Variants in SLC9C1 observed in about 807,000 individuals in gnomAD.
SLC9C1 encodes solute carrier family 9 member C1.
A neutral mutation model predicts 140.9 loss-of-function variants in SLC9C1; 97 were observed. That is an observed-to-expected ratio of 0.69 (90% CI 0.58 to 0.82). The LOEUF is 0.82. Ranked by LOEUF, SLC9C1 falls within the 40% of genes least tolerant of loss-of-function variation. The pLI is 0.00. For missense variants in SLC9C1, 1,340 were observed against 1,389.3 expected (o/e 0.96, Z 0.56); for synonymous variants, 440 against 442.6 (o/e 0.99, Z 0.07).
rs1035191867 is a variant in SLC9C1 at position 112,153,173 on chromosome 3, C to T, written c.3418-1210G>A. 6.6e-5 allele frequency among the ~76,000 whole-genome samples: 10 copies of T among 152,270 alleles called. No homozygotes were observed. In the East Asian group the frequency reaches 1.9e-3, roughly 29 times the overall value. The stretch of plus-strand genomic sequence containing the variant: ...CAATTTGATGATTTTCTTTATATGT[C>T]TTAATAGCTAACATTCCTGTCATTT... On this transcript the variant is annotated intron_variant, in intron 27 of 28. Coordinates refer to ENST00000305815, the MANE Select transcript of SLC9C1 (RefSeq NM_183061.3).
intron 26 of SLC9C1, among the ~76,000 whole-genome samples, chr3:112,164,174 G>C (rs1045813675): frequency 1.3e-5 from 2 of 151,700 alleles, no homozygotes; most frequent in Non-Finnish European, 2.9e-5. Context: ...GTCTCTGCAC[G>C]TGAATTGGGT....
Position 112,179,535 on chromosome 3 carries a change from A to T in SLC9C1, c.2915T>A (p.Val972Glu). ...MKYSATCKTV[V>E]ETCFIPKTHL... ...CACAGGCGAAGTTTTTCTGACCTCC[A>T]CTACAGTTTTGCAGGTGGCAGAATA... is the stretch of plus-strand genomic sequence containing the variant. The change falls in exon 23 of 29, where the codon GTG (valine) becomes GAG (glutamate). Residue 972 changes from valine (V) to glutamate (E), a missense_variant. Transcript: ENST00000305815. The T allele has an allele frequency of 1.2e-6, 2 of 1,601,780 alleles. No homozygotes were observed. The highest frequency in any genetic ancestry group is 1.7e-6 in the Non-Finnish European group (2 of 1,176,364).
chr3:112,272,379 G>A (rs1183611039), intron 6 of SLC9C1, among the ~76,000 whole-genome samples: 1 of 152,176 alleles, frequency 6.6e-6, no homozygotes, highest in Non-Finnish European at 1.5e-5. Context: ...ACTCAAATTG[G>A]AAAGAGTAAG....
rs180773969 is a variant in SLC9C1 at position 112,166,695 on chromosome 3, T to C, written c.3364+526A>G. ...TCTATTATTATTACTTATTCAATAA[T>C]TTTTAAATTTTTAATATTTATCTCA... On this transcript the variant is annotated intron_variant, in intron 26 of 28. Transcript: ENST00000305815. 8.2e-3 allele frequency among the ~76,000 whole-genome samples: 1,243 copies of C among 152,212 alleles called. 11 individuals carry two copies. The highest frequency in any genetic ancestry group is 9.4e-3 in the Non-Finnish European group (640 of 67,996).
chr3:112,276,882 C>G (rs1373597559), intron 5 of SLC9C1, among the ~76,000 whole-genome samples: 2 of 152,022 alleles, frequency 1.3e-5, no homozygotes, highest in East Asian at 3.8e-4. Flanking sequence ...AGGCTCAGCT[C>G]TCATTTATTC....
intron 26 of SLC9C1, among the ~76,000 whole-genome samples, chr3:112,165,408 C>T (rs2077105520): frequency 6.6e-6 from 1 of 152,096 alleles, no homozygotes; most frequent in South Asian, 2.1e-4. Flanking sequence ...GTTTTATCTA[C>T]CTTTGGTCTT....
intron 20 of SLC9C1, chr3:112,185,679 A>C: frequency 6.4e-7 from 1 of 1,551,046 alleles, no homozygotes; most frequent in Non-Finnish European, 8.7e-7. Flanking sequence ...GGTGCTCCGG[A>C]GGCGTGCACG....
At position 112,232,644 on chromosome 3, in the gene SLC9C1, C is replaced by CA. The variant is rs200413584; in HGVS notation, c.1447-1159dup. Among the ~76,000 whole-genome samples, 321 of 150,570 alleles carry CA rather than the reference C, an allele frequency of 2.1e-3. 1 individual carries two copies. Among genetic ancestry groups the CA allele is most frequent in the African/African-American group, 6.6e-3 (269 of 40,986 alleles). Reference sequence around the variant, plus strand: ...AGTTGGCCCCTCATATTGTGTTTTGCAAAAAAAACAAAAACAAAAACATTG... The same window carrying CA: ...AGTTGGCCCCTCATATTGTGTTTTGCAAAAAAAAACAAAAACAAAAACATTG... On this transcript the variant is annotated intron_variant, in intron 12 of 28. Coordinates refer to ENST00000305815, the MANE Select transcript of SLC9C1 (RefSeq NM_183061.3).
At chr3:112,284,985 CTTT>C (rs61428176) in intron 2 of SLC9C1, among the ~76,000 whole-genome samples, 14 of 103,864 alleles carry the variant, frequency 1.3e-4, no homozygotes, top group Non-Finnish European at 1.4e-4. Context: ...TACAATTTTT[CTTT>C]TTTTTTTTTT....
rs1330629523 is a variant in SLC9C1 at position 112,280,657 on chromosome 3, G to C, written c.189+26C>G. 3 of 1,556,588 alleles carry C rather than the reference G, an allele frequency of 1.9e-6. No homozygotes were observed. The East Asian group carries it at 6.8e-5, about 35-fold the overall frequency. On this transcript the variant is annotated intron_variant, in intron 3 of 28. Transcript: ENST00000305815. ...TTTATATAATTCTCAAATAAATAGT[G>C]TAAAATACTCATTTACAATACACAC...
chr3:112,245,145 C>T (rs978931876), intron 10 of SLC9C1, among the ~76,000 whole-genome samples: 1 of 152,096 alleles, frequency 6.6e-6, no homozygotes, highest in African/African-American at 2.4e-5. Flanking sequence ...ATAAGAATTG[C>T]CAATTCTAAA....
chr3:112,208,479 A>G, intron 15 of SLC9C1, 106 bp from the exon 16 acceptor site: 1 of 745,962 alleles, frequency 1.3e-6, no homozygotes, highest in Non-Finnish European at 2.0e-6. Flanking sequence ...GCCTTCTTTA[A>G]TAATTCTGAA....
intron 10 of SLC9C1, among the ~76,000 whole-genome samples, chr3:112,255,231 G>C (rs1241149415): frequency 6.6e-6 from 1 of 152,022 alleles, no homozygotes; most frequent in Non-Finnish European, 1.5e-5. Flanking sequence ...TGGACCAAAT[G>C]GACCTTATGG....
chr3:112,183,217 C>T lies in SLC9C1; in HGVS notation c.2524-959G>A, dbSNP rs563983342. 5.7e-4 allele frequency among the ~76,000 whole-genome samples: 86 copies of T among 151,974 alleles called. 1 individual carries two copies. In the South Asian group the frequency reaches 0.012, roughly 22 times the overall value. On this transcript the variant is annotated intron_variant, in intron 20 of 28. Transcript: ENST00000305815. ...ATTTACACTTCTACTCTAATGTTCC[C>T]GTTGTTCCACCCTGTTGTCTACACT...
At chr3:112,250,129 T>C (rs1342106371) in intron 10 of SLC9C1, among the ~76,000 whole-genome samples, 1 of 150,740 alleles carries the variant, frequency 6.6e-6, no homozygotes, top group Admixed American at 6.6e-5. Flanking sequence ...GTTCTCATTG[T>C]TCAATTCCCA....
In SLC9C1 at chr3:112,244,063, C is replaced by A; in HGVS notation, c.1211G>T (p.Gly404Val). The A allele has an allele frequency of 1.3e-6, 2 of 1,595,622 alleles. No individual in the cohort carries two copies. Among genetic ancestry groups the A allele is most frequent in the East Asian group, 2.3e-5 (1 of 44,370 alleles). ...AAGGGTTATTAGGCATACTAACACT[C>A]CATGAAATAATATCTAGAATTGAAA... ...DKEKSQILFH[G>V]VLVCLITLVV... Residue 404 changes from glycine to valine, a missense_variant, in exon 11 of 29, where the codon GGA becomes GTA. Transcript: ENST00000305815.
intron 1 of SLC9C1, among the ~76,000 whole-genome samples, chr3:112,293,387 A>T (rs2108384964): frequency 6.6e-6 from 1 of 152,272 alleles, no homozygotes; most frequent in South Asian, 2.1e-4. Context: ...TGTCCTTGTC[A>T]GTCAGCCAGC....
At chr3:112,207,274 ATAG>A (rs1263091482) in intron 16 of SLC9C1, among the ~76,000 whole-genome samples, 1 of 152,150 alleles carries the variant, frequency 6.6e-6, no homozygotes, top group African/African-American at 2.4e-5. Flanking sequence ...TTCTGAAGGG[ATAG>A]TAGGATAAGA....
chr3:112,243,927 T>A (rs13089316), intron 11 of SLC9C1, 68 bp downstream of exon 11: 4 of 1,103,698 alleles, frequency 3.6e-6, no homozygotes, highest in Non-Finnish European at 5.2e-6. Flanking sequence ...CTTTCTTTAT[T>A]ATTAGCACTT....
Sources: gnomAD v4.1 joint callset for allele counts (sites outside exome capture counted in the v4.1 genomes callset) on GRCh38, gnomAD v4.1.1 for gene constraint, MANE v1.5 for transcripts, NCBI Gene and HGNC (gene_info 2026-07-23, HGNC 2026-07-21) for gene names.